NECAB2: variants seen among roughly 807,000 people sequenced by gnomAD.
The protein encoded by NECAB2 is N-terminal EF-hand calcium-binding protein 2.
A neutral mutation model predicts 51.9 loss-of-function variants in NECAB2; 68 were observed. The ratio of observed to expected loss-of-function variants is 1.31; its 90% CI spans 1.08 to 1.60. The LOEUF (loss-of-function observed/expected upper bound fraction) is 1.60, where lower values mean the gene tolerates loss of function less well. Among genes scored for constraint, NECAB2 ranks in the 40% most tolerant of loss-of-function variants. The pLI is 0.00. For missense variants in NECAB2, 854 were observed against 490.3 expected, an observed-to-expected ratio of 1.74 and a Z score of -7.00; for synonymous variants, 329 against 203.5, an observed-to-expected ratio of 1.62 and a Z score of -5.25.
At chr16:83,986,674 G>C (rs868115457) in intron 5 of NECAB2, among the ~76,000 whole-genome samples, 3 of 143,352 alleles carry the variant, frequency 2.1e-5, no homozygotes, top group Non-Finnish European at 4.4e-5. Context: ...CACCACTCAC[G>C]GCAAATTTTT....
chr16:83,994,099 G>C (rs1336217692), intron 6 of NECAB2, among the ~76,000 whole-genome samples: 1 of 152,186 alleles, frequency 6.6e-6, no homozygotes, highest in Non-Finnish European at 1.5e-5. Context: ...TCCCAGCTCT[G>C]CCCAGCTAGC....
At chr16:83,976,178 C>T (rs774379112) in intron 2 of NECAB2, among the ~76,000 whole-genome samples, 2 of 152,160 alleles carry the variant, frequency 1.3e-5, no homozygotes, top group Non-Finnish European at 2.9e-5. Context: ...GTGACTGCCC[C>T]TCACCCAAAG....
At chr16:83,980,906 G>A in intron 4 of NECAB2, 42 bp downstream of exon 4, 1 of 1,613,346 alleles carries the variant, frequency 6.2e-7, no homozygotes, top group Non-Finnish European at 8.5e-7. Context: ...GGGATGCTGG[G>A]ATGGGGCTGG....
intron 2 of NECAB2, among the ~76,000 whole-genome samples, chr16:83,976,730 C>T (rs375421712): frequency 1.1e-4 from 17 of 152,180 alleles, no homozygotes; most frequent in African/African-American, 2.4e-4. Flanking sequence ...TGGCCCTAGC[C>T]CCCCGTGCCC....
At chr16:83,977,338 C>T (rs1027026590) in intron 2 of NECAB2, among the ~76,000 whole-genome samples, 18 of 152,052 alleles carry the variant, frequency 1.2e-4, no homozygotes, top group Non-Finnish European at 1.2e-4. Context: ...GGGGGATGAG[C>T]TTGCTGGCAT....
In NECAB2 at chr16:83,975,435, C is replaced by G. The variant is rs770586354; in HGVS notation, c.227-3009C>G. Among the ~76,000 whole-genome samples, 85 of 152,080 alleles carry G rather than the reference C, an allele frequency of 5.6e-4. 2 individuals are homozygous for G. The highest frequency in any genetic ancestry group is 1.1e-3 in the Non-Finnish European group (72 of 67,992). ...CACACAGGACTGCTCAACACTGACGCTAGCCCTGCCTCACGTGTCCACAGG... is the reference window on the plus strand; with the variant it reads ...CACACAGGACTGCTCAACACTGACGGTAGCCCTGCCTCACGTGTCCACAGG... On this transcript the variant is annotated intron_variant, in intron 2 of 12. Transcript: ENST00000305202.
At chr16:83,994,979 G>A (rs1239050035) in intron 8 of NECAB2, among the ~76,000 whole-genome samples, 1 of 152,182 alleles carries the variant, frequency 6.6e-6, no homozygotes, top group Non-Finnish European at 1.5e-5. Context: ...TGGTCAGCAG[G>A]GTCCCGTGTT....
intron 3 of NECAB2, among the ~76,000 whole-genome samples, 193 bp downstream of exon 3, chr16:83,978,745 A>G (rs16962359): frequency 6.6e-6 from 1 of 152,058 alleles, no homozygotes; most frequent in East Asian, 1.9e-4. Context: ...TGCATTGGCT[A>G]CTATCGCAAG....
intron 5 of NECAB2, among the ~76,000 whole-genome samples, chr16:83,989,302 C>T (rs1452627027): frequency 1.3e-5 from 2 of 152,196 alleles, no homozygotes; most frequent in African/African-American, 2.4e-5. Context: ...GGTCTGTCCC[C>T]AGCAGACCCT....
chr16:83,967,850 GTGGATGGA>G (rs1237656390), upstream of NECAB2, among the ~76,000 whole-genome samples: 2 of 149,246 alleles, frequency 1.3e-5, no homozygotes, highest in Admixed American at 1.3e-4. Context: ...TGCTGGGTGG[GTGGATGGA>G]TGGATGGATG....
chr16:83,986,657 TG>T (rs1229414661), intron 5 of NECAB2, among the ~76,000 whole-genome samples: 1 of 150,570 alleles, frequency 6.6e-6, no homozygotes, highest in Non-Finnish European at 1.5e-5. Context: ...GGAACACAGG[TG>T]GGTGCCACCA....
chr16:83,996,534 A>T (rs983140506), intron 8 of NECAB2, among the ~76,000 whole-genome samples: 3 of 152,130 alleles, frequency 2.0e-5, no homozygotes, highest in Non-Finnish European at 4.4e-5. Flanking sequence ...GGACAGAGAT[A>T]GCCACAGAGG....
chr16:83,986,875 A>G (rs1371100758), intron 5 of NECAB2, among the ~76,000 whole-genome samples: 1 of 152,088 alleles, frequency 6.6e-6, no homozygotes, highest in African/African-American at 2.4e-5. Context: ...AGAGTTTTAA[A>G]AGTTGCTCCA....
chr16:83,997,304 A>T, intron 9 of NECAB2, 35 bp downstream of exon 9: 1 of 1,613,308 alleles, frequency 6.2e-7, no homozygotes, highest in Non-Finnish European at 8.5e-7. Flanking sequence ...CTGGGACCAC[A>T]TCCCTACCCA....
At chr16:83,965,903 G>A (rs1238463330), upstream of NECAB2, 7 of 1,612,818 alleles carry the variant, frequency 4.3e-6, no homozygotes, top group East Asian at 2.2e-5. Context: ...GGGCCTGTAC[G>A]CCATGGGGCC....
intron 6 of NECAB2, among the ~76,000 whole-genome samples, chr16:83,994,033 A>C (rs1175929054): frequency 6.6e-6 from 1 of 152,140 alleles, no homozygotes; most frequent in Non-Finnish European, 1.5e-5. Flanking sequence ...TCTGGAACTG[A>C]ATCTCTTGGG....
rs898556104 is a variant in NECAB2 at position 84,002,477 on chromosome 16, CTGT to C, written c.*136_*138del. ...CCATCCTCCACAAGAAGGTGTTTCC[CTGT>C]TGTTAAGTGAAGGAGGCCGCCCCTG... On this transcript the variant is annotated 3_prime_UTR_variant, in exon 13 of 13. Coordinates refer to ENST00000305202, the MANE Select transcript of NECAB2 (RefSeq NM_019065.3). The C allele has an allele frequency of 1.2e-5, 15 of 1,301,888 alleles. No individual in the cohort carries two copies. The highest frequency in any genetic ancestry group is 4.4e-5 in the African/African-American group (3 of 67,632). The allele number at this position is 1,301,888 out of a possible 1,614,324, so 80.6% of individuals were successfully genotyped here. A position where few individuals can be genotyped will look rare whatever the true frequency, so the allele number is the denominator to read the frequency against.
intron 3 of NECAB2, among the ~76,000 whole-genome samples, chr16:83,979,476 G>A (rs940899897): frequency 2.0e-5 from 3 of 152,190 alleles, no homozygotes; most frequent in Admixed American, 6.5e-5. Flanking sequence ...GATATGGTAA[G>A]TGGAGCAGAT....
chr16:83,975,399 G>A (rs777217966), intron 2 of NECAB2, among the ~76,000 whole-genome samples: 1 of 152,032 alleles, frequency 6.6e-6, no homozygotes, highest in Non-Finnish European at 1.5e-5. Flanking sequence ...AGGCCGATAG[G>A]CCCACAAGCA....
Sources: allele counts gnomAD v4.1 joint callset (sites outside exome capture counted in the v4.1 genomes callset), GRCh38; gene constraint gnomAD v4.1.1; transcripts MANE v1.5; gene names NCBI Gene and HGNC (gene_info 2026-07-23, HGNC 2026-07-21).